The following SGCZ variants were observed in gnomAD, a reference collection of about 807,000 sequenced individuals.
SGCZ encodes the protein zeta-sarcoglycan.
A neutral mutation model predicts 41.3 loss-of-function variants in SGCZ; 40 were observed. The ratio of observed to expected loss-of-function variants is 0.97; its 90% CI spans 0.75 to 1.26. The LOEUF (loss-of-function observed/expected upper bound fraction) is 1.26. Ranked by LOEUF, SGCZ falls within the 50% of genes most tolerant of loss-of-function variation. SGCZ has a pLI of 0.00. For synonymous variants in SGCZ, 206 were observed against 137.5 expected (o/e 1.50, Z -3.49); for missense variants, 552 against 369.8 (o/e 1.49, Z -4.04).
At chr8:14,490,960 C>A (rs1801824923) in intron 2 of SGCZ, among the ~76,000 whole-genome samples, 1 of 152,172 alleles carries the variant, frequency 6.6e-6, no homozygotes, top group African/African-American at 2.4e-5. Flanking sequence ...GTTTTATATA[C>A]CGATATTCAT....
intron 1 of SGCZ, among the ~76,000 whole-genome samples, chr8:15,115,739 T>G (rs1807245082): frequency 6.6e-6 from 1 of 152,236 alleles, no homozygotes; most frequent in Non-Finnish European, 1.5e-5. Context: ...TGCTATTGAA[T>G]ACTTTTTTGG....
chr8:14,545,822 CCTT>C (rs1406011790), intron 2 of SGCZ, among the ~76,000 whole-genome samples: 3 of 152,036 alleles, frequency 2.0e-5, no homozygotes, highest in Middle Eastern at 3.2e-3. Context: ...TTTTCTTAAT[CCTT>C]CTTTTTCTCT....
At chr8:14,784,913 A>AAAAAAAATATATATAT (rs1408574493) in intron 1 of SGCZ, among the ~76,000 whole-genome samples, 4 of 88,038 alleles carry the variant, frequency 4.5e-5, no homozygotes, top group African/African-American at 1.9e-4. Flanking sequence ...AAAAAAAAAA[A>AAAAAAAATATATATAT]ATATATATAT....
chr8:14,357,797 G>A (rs1803350275), intron 2 of SGCZ, among the ~76,000 whole-genome samples: 1 of 152,130 alleles, frequency 6.6e-6, no homozygotes, highest in Non-Finnish European at 1.5e-5. Context: ...GAATATGCCT[G>A]AGGTCATGCA....
chr8:14,131,405 T>A lies in SGCZ; in HGVS notation c.548-23170A>T, dbSNP rs117411570. 9.6e-3 allele frequency among the ~76,000 whole-genome samples: 1,456 copies of A among 152,226 alleles called. 10 individuals are homozygous for A. The highest frequency in any genetic ancestry group is 0.015 in the Non-Finnish European group (993 of 68,006). On this transcript the variant is annotated intron_variant, in intron 5 of 7. Transcript: ENST00000382080. ...ACACCTACAGTTCTTGGTTGACAAG[T>A]TGTTGTTGTTTTTGTTCTCCATAGA...
intron 1 of SGCZ, among the ~76,000 whole-genome samples, chr8:14,735,863 G>A (rs1020205147): frequency 7.9e-5 from 12 of 152,196 alleles, no homozygotes; most frequent in Admixed American, 3.9e-4. Flanking sequence ...ATCAAATTGA[G>A]TAGGAATTTA....
chr8:14,747,856 G>A (rs1460615411), intron 1 of SGCZ, among the ~76,000 whole-genome samples: 2 of 148,494 alleles, frequency 1.3e-5, no homozygotes, highest in African/African-American at 4.9e-5. Flanking sequence ...GAGATTACAG[G>A]CACCCACCAC....
At chr8:14,240,997 A>G (rs1798862348) in intron 3 of SGCZ, among the ~76,000 whole-genome samples, 1 of 152,208 alleles carries the variant, frequency 6.6e-6, no homozygotes, top group Non-Finnish European at 1.5e-5. Flanking sequence ...ATCAGCACCA[A>G]CATACCACCT....
intron 7 of SGCZ, among the ~76,000 whole-genome samples, chr8:14,095,903 T>A (rs544564773): frequency 6.6e-6 from 1 of 152,268 alleles, no homozygotes; most frequent in South Asian, 2.1e-4. Flanking sequence ...GACTCCCTGT[T>A]TGTCTGTTAT....
intron 1 of SGCZ, among the ~76,000 whole-genome samples, chr8:14,782,874 G>A (rs530403773): frequency 6.6e-6 from 1 of 152,230 alleles, no homozygotes; most frequent in Non-Finnish European, 1.5e-5. Flanking sequence ...TGCTTCAACA[G>A]CCAAATGGTA....
intron 2 of SGCZ, among the ~76,000 whole-genome samples, chr8:14,365,043 A>T (rs1803648051): frequency 6.6e-6 from 1 of 152,022 alleles, no homozygotes; most frequent in South Asian, 2.1e-4. Context: ...TACATATATA[A>T]TGTTGACATT....
intron 2 of SGCZ, among the ~76,000 whole-genome samples, chr8:14,435,784 C>G (rs564960438): frequency 1.3e-5 from 2 of 152,174 alleles, no homozygotes; most frequent in African/African-American, 2.4e-5. Context: ...AACTTGTTAA[C>G]TCATTGATGT....
chr8:14,457,028 G>C (rs1203581824), intron 2 of SGCZ, among the ~76,000 whole-genome samples: 3 of 152,146 alleles, frequency 2.0e-5, no homozygotes, highest in African/African-American at 7.2e-5. Context: ...AAGCCACCCA[G>C]GCACCGAGGC....
At chr8:14,951,396 T>C (rs925056378) in intron 1 of SGCZ, among the ~76,000 whole-genome samples, 1 of 152,008 alleles carries the variant, frequency 6.6e-6, no homozygotes, top group African/African-American at 2.4e-5. Flanking sequence ...GTCAAATTCG[T>C]TGTCAATAGG....
chr8:15,192,242 C>G (rs559284823), intron 1 of SGCZ, among the ~76,000 whole-genome samples: 45 of 152,124 alleles, frequency 3.0e-4, no homozygotes, highest in Non-Finnish European at 5.7e-4. Flanking sequence ...TTATTCCTTT[C>G]AACAGCCCAA....
At chr8:14,776,616 C>G (rs1392767522) in intron 1 of SGCZ, among the ~76,000 whole-genome samples, 1 of 148,462 alleles carries the variant, frequency 6.7e-6, no homozygotes, top group Non-Finnish European at 1.5e-5. Flanking sequence ...GTCTCAGCCT[C>G]CCGAGTAGCT....
intron 1 of SGCZ, among the ~76,000 whole-genome samples, chr8:14,942,121 A>C (rs1800296004): frequency 6.6e-6 from 1 of 152,134 alleles, no homozygotes; most frequent in African/African-American, 2.4e-5. Flanking sequence ...GATACCTCTT[A>C]GACTAGTATG....
At chr8:14,610,965 A>G (rs1295089128) in intron 1 of SGCZ, among the ~76,000 whole-genome samples, 1 of 152,244 alleles carries the variant, frequency 6.6e-6, no homozygotes, top group Non-Finnish European at 1.5e-5. Flanking sequence ...TAAAAATTAC[A>G]TTTCCTGTTT....
chr8:14,388,274 T>C (rs918553735), intron 2 of SGCZ, among the ~76,000 whole-genome samples: 1 of 152,038 alleles, frequency 6.6e-6, no homozygotes, highest in Admixed American at 6.6e-5. Context: ...ATATCACAGT[T>C]GCAGCCATGT....
Sources: allele counts gnomAD v4.1 joint callset (sites outside exome capture counted in the v4.1 genomes callset), GRCh38; gene constraint gnomAD v4.1.1; transcripts MANE v1.5; gene names NCBI Gene and HGNC (gene_info 2026-07-23, HGNC 2026-07-21).